The following TANC1 variants were observed in gnomAD, a reference collection of about 807,000 sequenced individuals.
TANC1 encodes protein TANC1.
In TANC1, 77 loss-of-function variants were observed where a neutral mutation model predicts 149.7. The ratio of observed to expected loss-of-function variants is 0.51; its 90% confidence interval spans 0.43 to 0.62. The LOEUF (loss-of-function observed/expected upper bound fraction) is 0.62. TANC1 is among the 20% of genes least tolerant of loss of function. TANC1 has a pLI of 0.00. For missense variants in TANC1, 1,985 were observed against 2,321.8 expected, an observed-to-expected ratio of 0.85 and a Z score of 2.98; for synonymous variants, 854 against 925.0, an observed-to-expected ratio of 0.92 and a Z score of 1.39.
Position 159,065,950 on chromosome 2 carries a change from A to G in TANC1, c.40A>G (p.Lys14Glu). Residue 14 changes from lysine to glutamate, a missense_variant, in exon 3 of 27, where the codon AAG becomes GAG. By Grantham distance (56) the Lys-to-Glu change is moderately conservative. This residue lies in a region of TANC1 where 557 missense variants were observed against 612.9 expected (regional missense o/e 0.91). Transcript: ENST00000263635. Reference protein sequence around the residue: ...AVLKKSREGGKGGKKEAGSDF... With the variant: ...AVLKKSREGGEGGKKEAGSDF... ...GCTGAAGAAGAGCCGAGAGGGAGGAAAGGGAGGCAAGAAGGAAGCAGGTAT... is the reference window on the plus strand; with the variant it reads ...GCTGAAGAAGAGCCGAGAGGGAGGAGAGGGAGGCAAGAAGGAAGCAGGTAT... The G allele has an allele frequency of 6.2e-7, 1 of 1,613,816 alleles. No homozygotes were observed. The highest frequency in any genetic ancestry group is 1.1e-5 in the South Asian group (1 of 91,076).
chr2:159,112,555 C>CTTTTTTTTTTTTTTT (rs34643604), intron 4 of TANC1, among the ~76,000 whole-genome samples: 1 of 130,050 alleles, frequency 7.7e-6, no homozygotes, highest in Non-Finnish European at 1.6e-5. Context: ...TGCACCCAGC[C>CTTTTTTTTTTTTTTT]TTTTTTTTTT....
chr2:159,168,341 C>A (rs1406044289), intron 8 of TANC1, among the ~76,000 whole-genome samples: 1 of 148,122 alleles, frequency 6.8e-6, no homozygotes, highest in Non-Finnish European at 1.5e-5. Flanking sequence ...GCTCTGTCAC[C>A]CAGGCTGGAG....
At position 159,153,613 on chromosome 2, in the gene TANC1, C is replaced by T. The variant is rs541796476; in HGVS notation, c.682+3057C>T. ...TGTGGTAGGGAGGAGAAGGAAAAGA[C>T]GCAAGAATTTCCTCTCCAGGCAGAC... On this transcript the variant is annotated intron_variant, in intron 7 of 26. Transcript: ENST00000263635. Among the ~76,000 whole-genome samples the T allele has an allele frequency of 2.2e-3, 329 of 152,258 alleles. 1 individual carries two copies. Among genetic ancestry groups the T allele is most frequent in the Non-Finnish European group, 4.0e-3 (275 of 68,030 alleles).
chr2:159,129,148 A>G (rs905961996), intron 4 of TANC1, among the ~76,000 whole-genome samples: 4 of 152,196 alleles, frequency 2.6e-5, no homozygotes, highest in East Asian at 1.9e-4. Flanking sequence ...TTTAAATGCA[A>G]TAAGTAGCCT....
At chr2:159,052,851 G>A (rs1176611850) in intron 2 of TANC1, among the ~76,000 whole-genome samples, 1 of 152,224 alleles carries the variant, frequency 6.6e-6, no homozygotes, top group African/African-American at 2.4e-5. Context: ...AAAAACTGCA[G>A]TAGTTATAAA....
chr2:159,180,412 T>C (rs1003898439), intron 14 of TANC1, among the ~76,000 whole-genome samples: 1 of 152,218 alleles, frequency 6.6e-6, no homozygotes, highest in Non-Finnish European at 1.5e-5. Context: ...TGTAGGTTGT[T>C]ACTGGGTTGG....
At chr2:159,143,859 C>G (rs530856303) in intron 5 of TANC1, among the ~76,000 whole-genome samples, 2 of 152,074 alleles carry the variant, frequency 1.3e-5, no homozygotes, top group East Asian at 3.9e-4. Flanking sequence ...AGCTTTTTAC[C>G]TATGTACCCA....
intron 2 of TANC1, among the ~76,000 whole-genome samples, chr2:159,007,830 A>C (rs890990008): frequency 1.3e-5 from 2 of 152,176 alleles, no homozygotes; most frequent in Non-Finnish European, 2.9e-5. Flanking sequence ...AGTAGTGAGG[A>C]GGTGACTTGG....
At chr2:159,138,465 A>G (rs1176651739) in intron 5 of TANC1, among the ~76,000 whole-genome samples, 5 of 140,694 alleles carry the variant, frequency 3.6e-5, no homozygotes, top group Admixed American at 2.1e-4. Context: ...TTAAATTTCA[A>G]TGGGGTTAAT....
intron 20 of TANC1, among the ~76,000 whole-genome samples, chr2:159,218,284 G>A (rs1318384579): frequency 6.6e-6 from 1 of 152,126 alleles, no homozygotes; most frequent in East Asian, 1.9e-4. Context: ...TCATGGAATC[G>A]CGTCTCTGCT....
chr2:159,142,951 T>C (rs2051544835), intron 5 of TANC1, among the ~76,000 whole-genome samples: 1 of 151,580 alleles, frequency 6.6e-6, no homozygotes, highest in Non-Finnish European at 1.5e-5. Flanking sequence ...TAATCCCAGC[T>C]ACTCGGGAGG....
intron 7 of TANC1, among the ~76,000 whole-genome samples, chr2:159,153,386 G>A (rs1027208595): frequency 2.0e-5 from 3 of 152,234 alleles, no homozygotes; most frequent in African/African-American, 7.2e-5. Context: ...GTAGGTGAAA[G>A]CAGAAGGAAT....
intron 11 of TANC1, among the ~76,000 whole-genome samples, chr2:159,174,086 T>C (rs2055569368): frequency 6.6e-6 from 1 of 152,202 alleles, no homozygotes; most frequent in African/African-American, 2.4e-5. Context: ...AGGTAGCTCT[T>C]GGCACGAGTG....
chr2:158,998,862 G>T (rs1334416750), intron 1 of TANC1, among the ~76,000 whole-genome samples: 1 of 152,120 alleles, frequency 6.6e-6, no homozygotes, highest in African/African-American at 2.4e-5. Flanking sequence ...CCTCCCCTCT[G>T]ATCTCTTGGG....
At chr2:159,171,450 A>G (rs992042285) in intron 10 of TANC1, among the ~76,000 whole-genome samples, 6 of 151,852 alleles carry the variant, frequency 4.0e-5, no homozygotes, top group Non-Finnish European at 7.4e-5. Context: ...TGGACAACAT[A>G]GGGAGACCTC....
At chr2:158,975,094 A>G (rs1164599840) in intron 1 of TANC1, among the ~76,000 whole-genome samples, 1 of 151,942 alleles carries the variant, frequency 6.6e-6, no homozygotes, top group East Asian at 1.9e-4. Flanking sequence ...ATAATACCTA[A>G]TATAATGTAA....
intron 4 of TANC1, among the ~76,000 whole-genome samples, chr2:159,099,220 G>A (rs1337194205): frequency 6.6e-6 from 1 of 152,080 alleles, no homozygotes; most frequent in Admixed American, 6.5e-5. Context: ...AACCTTTTTG[G>A]TATGAAGTAA....
chr2:159,013,146 C>T (rs1182295814), intron 2 of TANC1, among the ~76,000 whole-genome samples: 2 of 152,130 alleles, frequency 1.3e-5, no homozygotes, highest in Admixed American at 6.5e-5. Flanking sequence ...TATGAACTTG[C>T]CCCAATCTGC....
rs3821296 is a variant in TANC1, at chr2:159,230,181, A to C, written c.4755A>C (p.Thr1585=). Residue 1585 remains threonine (T), a synonymous_variant, in exon 27 of 27, where the codon ACA becomes ACC. Coordinates refer to ENST00000263635, the MANE Select transcript of TANC1 (RefSeq NM_033394.3). The surrounding 1 kb of genome is among the most constrained non-coding windows in gnomAD (Gnocchi z 4.4). ...AGSRTQHLEG[T]GTFTTRAGCG... Reference sequence around the variant, plus strand: ...GCAGAACCCAGCATTTAGAGGGAACAGGTACTTTCACTACAAGAGCTGGTT... The same window carrying C: ...GCAGAACCCAGCATTTAGAGGGAACCGGTACTTTCACTACAAGAGCTGGTT... 1.4e-5 allele frequency: 23 copies of C among 1,613,850 alleles called. No individual in the cohort carries two copies. In the South Asian group the frequency reaches 2.5e-4, roughly 18 times the overall value.
Sources: allele counts gnomAD v4.1 joint callset (sites outside exome capture counted in the v4.1 genomes callset), GRCh38; gene constraint gnomAD v4.1.1; regional missense constraint gnomAD v4.1.1; non-coding constraint Gnocchi (gnomAD v3.1); transcripts MANE v1.5; gene names NCBI Gene and HGNC (gene_info 2026-07-23, HGNC 2026-07-21).